Variants in SV2C observed in about 807,000 individuals in gnomAD.
SV2C encodes solute carrier family 22 member B3.
Under a neutral mutation model 79.7 loss-of-function variants are expected in SV2C, and 49 were observed. The observed-to-expected ratio is 0.61, with a 90% confidence interval of 0.49 to 0.78. SV2C has a LOEUF of 0.78. Among genes scored for constraint, SV2C ranks in the 30% least tolerant of loss-of-function variants. SV2C has a pLI of 0.00. For synonymous variants in SV2C, 334 were observed against 333.2 expected (o/e 1.00, Z -0.03); for missense variants, 833 against 912.9 (o/e 0.91, Z 1.13).
At chr5:76,051,304 A>C in the SV2C span, among the ~76,000 whole-genome samples, 9 of 152,294 alleles carry the variant, frequency 5.9e-5, no homozygotes, top group South Asian at 1.9e-3. Flanking sequence ...AGAGGTGTTG[A>C]AGATGGACAC....
intron 4 of SV2C, among the ~76,000 whole-genome samples, chr5:76,211,981 G>A (rs1346307429): frequency 1.3e-5 from 2 of 152,154 alleles, no homozygotes; most frequent in Non-Finnish European, 2.9e-5. Context: ...AGCTCAAGTG[G>A]TGGGTTTTTC....
At chr5:76,266,970 A>G (rs1746680034) in intron 4 of SV2C, among the ~76,000 whole-genome samples, 1 of 152,206 alleles carries the variant, frequency 6.6e-6, no homozygotes, top group Admixed American at 6.5e-5. Flanking sequence ...AGACACTTCC[A>G]AACTGGGAGG....
intron 12 of SV2C, among the ~76,000 whole-genome samples, chr5:76,347,845 T>C (rs1006253463): frequency 2.0e-5 from 3 of 152,174 alleles, no homozygotes; most frequent in Non-Finnish European, 2.9e-5. Flanking sequence ...CCTGCCCTGA[T>C]ACACAGCCTT....
intron 2 of SV2C, among the ~76,000 whole-genome samples, chr5:76,169,479 T>G (rs1743148647): frequency 6.6e-6 from 1 of 152,212 alleles, no homozygotes; most frequent in African/African-American, 2.4e-5. Flanking sequence ...TATCTCAGAC[T>G]TGTCAGTTAG....
chr5:75,935,066 T>C, the SV2C span, among the ~76,000 whole-genome samples: 1 of 152,186 alleles, frequency 6.6e-6, no homozygotes, highest in Admixed American at 6.5e-5. Context: ...ATTTCCTATA[T>C]GGTTACAGTT....
At chr5:76,209,624 G>T (rs1744706645) in intron 3 of SV2C, 112 bp from the exon 4 acceptor site, 1 of 1,016,072 alleles carries the variant, frequency 9.8e-7, no homozygotes, top group Non-Finnish European at 1.4e-6. Flanking sequence ...TTGTTGATAT[G>T]CTGGGATAGG....
At chr5:76,072,564 T>G in the SV2C span, among the ~76,000 whole-genome samples, 2 of 152,126 alleles carry the variant, frequency 1.3e-5, no homozygotes, top group African/African-American at 4.8e-5. Context: ...AGGTGGTGGG[T>G]ATAGCTTGAT....
intron 2 of SV2C, among the ~76,000 whole-genome samples, chr5:76,191,826 G>A (rs1257025986): frequency 2.0e-5 from 3 of 152,198 alleles, no homozygotes; most frequent in African/African-American, 4.8e-5. Context: ...TCTCAGGTCA[G>A]GTTCAACCTC....
At chr5:76,101,553 A>C (rs1406924145) in intron 1 of SV2C, among the ~76,000 whole-genome samples, 1 of 152,138 alleles carries the variant, frequency 6.6e-6, no homozygotes, top group Non-Finnish European at 1.5e-5. Flanking sequence ...AGGGGTTGAG[A>C]TGGACAATTA....
chr5:75,971,089 A>G, the SV2C span, among the ~76,000 whole-genome samples: 2 of 152,120 alleles, frequency 1.3e-5, no homozygotes, highest in Non-Finnish European at 2.9e-5. Flanking sequence ...GATTATCTCA[A>G]CAGATGCAGA....
the SV2C span, among the ~76,000 whole-genome samples, chr5:75,998,798 C>T: frequency 2.6e-5 from 4 of 152,046 alleles, no homozygotes; most frequent in African/African-American, 4.8e-5. Flanking sequence ...ATAAATCTCA[C>T]TCTCATTCTC....
At chr5:76,204,395 G>A (rs1393979012) in intron 3 of SV2C, among the ~76,000 whole-genome samples, 1 of 152,086 alleles carries the variant, frequency 6.6e-6, no homozygotes, top group Admixed American at 6.6e-5. Context: ...GTCAGCTCTT[G>A]GTAGACTCTG....
the SV2C span, among the ~76,000 whole-genome samples, chr5:75,895,775 C>A: frequency 6.6e-6 from 1 of 152,048 alleles, no homozygotes; most frequent in Non-Finnish European, 1.5e-5. Context: ...GTGACCTTTT[C>A]TGGATTATTT....
chr5:75,965,029 C>A, the SV2C span, among the ~76,000 whole-genome samples: 1 of 152,192 alleles, frequency 6.6e-6, no homozygotes, highest in South Asian at 2.1e-4. Context: ...AAAAACTCTC[C>A]TTTTTTATAT....
chr5:76,309,592 T>C (rs1288124676), intron 12 of SV2C, among the ~76,000 whole-genome samples: 4 of 79,312 alleles, frequency 5.0e-5, no homozygotes, highest in Non-Finnish European at 8.5e-5. Context: ...AGAGCGAAAC[T>C]CCATCTCAAA....
chr5:76,244,622 A>G (rs1218358741), intron 4 of SV2C, among the ~76,000 whole-genome samples: 1 of 152,220 alleles, frequency 6.6e-6, no homozygotes, highest in Non-Finnish European at 1.5e-5. Flanking sequence ...TACATTTACA[A>G]TGCATTTCAA....
chr5:76,263,273 TTTTTGTTTTTG>T (rs375681854), intron 4 of SV2C, among the ~76,000 whole-genome samples: 3 of 149,120 alleles, frequency 2.0e-5, no homozygotes, highest in African/African-American at 7.5e-5. Flanking sequence ...TTTGTTTTTG[TTTTTGTTTTTG>T]TTTTGTTTTG....
At chr5:76,024,543 C>T in the SV2C span, among the ~76,000 whole-genome samples, 8 of 152,130 alleles carry the variant, frequency 5.3e-5, no homozygotes, top group Non-Finnish European at 7.3e-5. Context: ...TGGATAGTCA[C>T]CCTTTTCCAT....
chr5:76,161,383 A>G (rs550397209), intron 2 of SV2C, among the ~76,000 whole-genome samples: 2 of 152,248 alleles, frequency 1.3e-5, no homozygotes, highest in South Asian at 4.2e-4. Context: ...AGAGGATGGG[A>G]TGGTGGTGGG....
Sources: gnomAD v4.1 joint callset for allele counts (sites outside exome capture counted in the v4.1 genomes callset) on GRCh38, gnomAD v4.1.1 for gene constraint, MANE v1.5 for transcripts, NCBI Gene and HGNC (gene_info 2026-07-23, HGNC 2026-07-21) for gene names.